The following HS3ST4 variants were observed in gnomAD, a reference collection of about 807,000 sequenced individuals.
HS3ST4 encodes heparan sulfate glucosamine 3-O-sulfotransferase 4.
A neutral mutation model predicts 29.2 loss-of-function variants in HS3ST4; 17 were observed. That is an observed-to-expected ratio of 0.58 (90% CI 0.40 to 0.87). The LOEUF (loss-of-function observed/expected upper bound fraction) is 0.87, where lower values mean the gene tolerates loss of function less well. Among genes scored for constraint, HS3ST4 ranks in the 40% least tolerant of loss-of-function variants. The pLI, the probability that HS3ST4 is intolerant of heterozygous loss-of-function variation, is 0.00. For missense variants in HS3ST4, 627 were observed against 634.5 expected (o/e 0.99, Z 0.13); for synonymous variants, 314 against 285.7 (o/e 1.10, Z -1.00).
chr16:25,834,971 C>A (rs910455438), intron 1 of HS3ST4, among the ~76,000 whole-genome samples: 1 of 151,888 alleles, frequency 6.6e-6, no homozygotes, highest in Admixed American at 6.6e-5. Flanking sequence ...ACACAAAAAA[C>A]AATAAACCAA....
At chr16:25,915,931 T>G (rs144557920) in intron 1 of HS3ST4, among the ~76,000 whole-genome samples, 2,074 of 152,266 alleles carry the variant, frequency 0.014, 36 homozygotes, top group African/African-American at 0.039. Context: ...AAATACGGCA[T>G]GTTAAGGGCT....
At chr16:26,034,004 C>G (rs1021140713) in intron 1 of HS3ST4, among the ~76,000 whole-genome samples, 1 of 152,206 alleles carries the variant, frequency 6.6e-6, no homozygotes, top group Non-Finnish European at 1.5e-5. Context: ...CACGCCTCCA[C>G]AATCTGCAAT....
At chr16:25,696,547 G>A (rs1321930679) in intron 1 of HS3ST4, among the ~76,000 whole-genome samples, 2 of 151,590 alleles carry the variant, frequency 1.3e-5, no homozygotes, top group African/African-American at 4.9e-5. Context: ...CGCCCAGGCT[G>A]GAGTGCAGTG....
At chr16:25,858,069 TTCTC>T (rs1002899205) in intron 1 of HS3ST4, among the ~76,000 whole-genome samples, 3 of 151,102 alleles carry the variant, frequency 2.0e-5, no homozygotes, top group Non-Finnish European at 4.4e-5. Flanking sequence ...TTCGTTCTTT[TTCTC>T]TCTCTCGCTT....
chr16:26,016,367 C>T (rs796678482), intron 1 of HS3ST4, among the ~76,000 whole-genome samples: 24 of 152,254 alleles, frequency 1.6e-4, no homozygotes, highest in African/African-American at 5.5e-4. Flanking sequence ...TTAGAAGCTA[C>T]GTGAACAGGG....
chr16:26,135,122 C>A (rs1898262320), intron 1 of HS3ST4, among the ~76,000 whole-genome samples: 1 of 152,066 alleles, frequency 6.6e-6, no homozygotes, highest in Non-Finnish European at 1.5e-5. Context: ...ACTAGATAAG[C>A]TTTGAGGTCT....
At chr16:26,120,071 A>ATGTG (rs59962417) in intron 1 of HS3ST4, among the ~76,000 whole-genome samples, 13 of 135,176 alleles carry the variant, frequency 9.6e-5, no homozygotes, top group African/African-American at 2.9e-4. Flanking sequence ...GTGTGTGTGT[A>ATGTG]TGTGTGTGTG....
At chr16:26,093,329 TC>T (rs57880711) in intron 1 of HS3ST4, among the ~76,000 whole-genome samples, 82,087 of 151,950 alleles carry the variant, frequency 0.54, 22,921 homozygotes, top group African/African-American at 0.67. Context: ...GGGAGACATC[TC>T]CCAGTAGGGG....
At chr16:25,977,122 A>G (rs1011528496) in intron 1 of HS3ST4, among the ~76,000 whole-genome samples, 9 of 152,270 alleles carry the variant, frequency 5.9e-5, no homozygotes, top group African/African-American at 1.7e-4. Flanking sequence ...AGTGCTTAGC[A>G]TATGTCATTA....
In HS3ST4 at chr16:25,717,510, GGTGTGTGT is replaced by G. The variant is rs763190199; in HGVS notation, c.734+24396_734+24403del. 9.9e-3 allele frequency among the ~76,000 whole-genome samples: 1,314 copies of G among 132,878 alleles called. 7 individuals are homozygous for G. Among genetic ancestry groups the G allele is most frequent in the Admixed American group, 0.029 (375 of 13,014 alleles). The allele number at this position is 132,878 out of a possible 152,430, so 87.2% of individuals were successfully genotyped here. ...CTGAAGGATGAGTAGAAGGTGAAGGGGTGTGTGTGTGTGTGTGTGTGTGTGTGTGTGTG... is the reference window on the plus strand; with the variant it reads ...CTGAAGGATGAGTAGAAGGTGAAGGGGTGTGTGTGTGTGTGTGTGTGTGTG... On this transcript the variant is annotated intron_variant, in intron 1 of 1. Transcript: ENST00000331351.
At chr16:25,911,943 G>T (rs1968244759) in intron 1 of HS3ST4, among the ~76,000 whole-genome samples, 1 of 152,166 alleles carries the variant, frequency 6.6e-6, no homozygotes, top group Admixed American at 6.5e-5. Flanking sequence ...AGAGACACCT[G>T]TCTAAATGCA....
intron 1 of HS3ST4, among the ~76,000 whole-genome samples, chr16:25,793,021 A>C (rs1464947495): frequency 9.2e-5 from 14 of 151,826 alleles, no homozygotes; most frequent in Non-Finnish European, 1.5e-5. Context: ...TGTTTTACTC[A>C]TGGTTACTAA....
intron 1 of HS3ST4, among the ~76,000 whole-genome samples, chr16:25,871,122 A>T (rs1967747464): frequency 6.6e-6 from 1 of 152,188 alleles, no homozygotes; most frequent in Non-Finnish European, 1.5e-5. Flanking sequence ...GATGAGACAT[A>T]CAAGAGTTTT....
chr16:25,911,860 G>C (rs1968243789), intron 1 of HS3ST4, among the ~76,000 whole-genome samples: 1 of 152,014 alleles, frequency 6.6e-6, no homozygotes, highest in African/African-American at 2.4e-5. Flanking sequence ...GTTCACCTCT[G>C]TGTCCTCAGG....
intron 1 of HS3ST4, among the ~76,000 whole-genome samples, chr16:26,010,721 A>G (rs900184904): frequency 5.9e-5 from 9 of 152,200 alleles, no homozygotes; most frequent in African/African-American, 1.9e-4. Flanking sequence ...AGAGAAAAAT[A>G]GCTAATACCG....
At chr16:25,698,062 T>TG (rs36018431) in intron 1 of HS3ST4, among the ~76,000 whole-genome samples, 3 of 151,970 alleles carry the variant, frequency 2.0e-5, no homozygotes, top group Admixed American at 1.3e-4. Flanking sequence ...GGAAAGTAAT[T>TG]GGGGAATGTG....
chr16:25,822,741 T>A (rs548818696), intron 1 of HS3ST4, among the ~76,000 whole-genome samples: 1 of 152,114 alleles, frequency 6.6e-6, no homozygotes, highest in Admixed American at 6.5e-5. Context: ...GATTACTTTT[T>A]TTTTTTGTTC....
chr16:26,104,377 A>G (rs1899025949), intron 1 of HS3ST4, among the ~76,000 whole-genome samples: 1 of 152,152 alleles, frequency 6.6e-6, no homozygotes, highest in Non-Finnish European at 1.5e-5. Flanking sequence ...TTGACAAAGG[A>G]TAATAGGCCA....
chr16:25,769,446 G>T (rs1404559233), intron 1 of HS3ST4, among the ~76,000 whole-genome samples: 1 of 152,154 alleles, frequency 6.6e-6, no homozygotes, highest in South Asian at 2.1e-4. Context: ...CAGTCTCACT[G>T]CAGGGCCCTT....
Sources: allele counts gnomAD v4.1 joint callset (sites outside exome capture counted in the v4.1 genomes callset), GRCh38; gene constraint gnomAD v4.1.1; transcripts MANE v1.5; gene names NCBI Gene and HGNC (gene_info 2026-07-23, HGNC 2026-07-21).